Variants in PPP3CA observed in about 807,000 individuals in gnomAD.
PPP3CA encodes protein phosphatase 3 catalytic subunit alpha.
In PPP3CA, 14 loss-of-function variants were observed where a neutral mutation model predicts 66.5. The observed-to-expected ratio is 0.21, with a 90% CI of 0.14 to 0.33. PPP3CA has a LOEUF of 0.33. PPP3CA is among the 10% of genes least tolerant of loss of function. The pLI is 1.00. For missense variants in PPP3CA, 317 were observed against 639.5 expected (o/e 0.50, Z 5.44); for synonymous variants, 232 against 226.2 (o/e 1.03, Z -0.23).
At chr4:101,242,553 A>T (rs895945484) in intron 1 of PPP3CA, among the ~76,000 whole-genome samples, 3 of 151,962 alleles carry the variant, frequency 2.0e-5, no homozygotes, top group African/African-American at 7.2e-5. Context: ...AAAGAGTAAA[A>T]CTGAATTCTC....
In PPP3CA at chr4:101,025,961, C is replaced by T. The variant is rs878969404; in HGVS notation, c.1470G>A (p.Met490Ile). 1 of 1,613,486 alleles carries T rather than the reference C, an allele frequency of 6.2e-7. No individual in the cohort carries two copies. The highest frequency in any genetic ancestry group is 8.5e-7 in the Non-Finnish European group (1 of 1,179,812). ...TGGAGTTAAGGTTGGCGTCAGAGGG[C>T]ATGGCATCTCTGCGAGGCGGCATCC... ...NERMPPRRDA[M>I]PSDANLNSIN... Residue 490 changes from methionine to isoleucine, a missense_variant, in exon 14 of 14, where the codon ATG (methionine) becomes ATA (isoleucine). This residue lies in a region of PPP3CA where 201 missense variants were observed against 501.4 expected (regional missense o/e 0.40). Transcript: ENST00000394854.
rs565062981 is a variant in PPP3CA at position 101,316,800 on chromosome 4, A to G, written c.58+29939T>C. On this transcript the variant is annotated intron_variant, in intron 1 of 13. Transcript: ENST00000394854. ...TAAAACACTATCAGATAATTGGTAC[A>G]TCTGTAAGTTGAATGTAGTAAGAGG... Among the ~76,000 whole-genome samples, 49 of 152,336 alleles carry G rather than the reference A, an allele frequency of 3.2e-4. 1 individual carries two copies. The South Asian group carries it at 9.3e-3, about 29-fold the overall frequency.
intron 2 of PPP3CA, among the ~76,000 whole-genome samples, chr4:101,168,646 G>T (rs561089157): frequency 5.9e-4 from 90 of 152,260 alleles, no homozygotes; most frequent in Non-Finnish European, 1.1e-3. Flanking sequence ...AGGGAAGAAA[G>T]TATTGAAAGA....
At chr4:101,318,658 T>C (rs1309639402) in intron 1 of PPP3CA, among the ~76,000 whole-genome samples, 8 of 152,108 alleles carry the variant, frequency 5.3e-5, no homozygotes, top group Non-Finnish European at 1.2e-4. Context: ...AAAAATATAA[T>C]CAATGGCTTC....
intron 2 of PPP3CA, among the ~76,000 whole-genome samples, chr4:101,119,401 C>T (rs1721950972): frequency 6.6e-6 from 1 of 151,902 alleles, no homozygotes; most frequent in Admixed American, 6.6e-5. Flanking sequence ...TTTACAAGAC[C>T]ACTGTGTTCC....
At chr4:101,330,914 T>C (rs1018556523) in intron 1 of PPP3CA, among the ~76,000 whole-genome samples, 1 of 152,078 alleles carries the variant, frequency 6.6e-6, no homozygotes, top group African/African-American at 2.4e-5. Context: ...ATAAGGTCAA[T>C]AATGCCAAGA....
At chr4:101,148,488 C>T (rs1374830151) in intron 2 of PPP3CA, among the ~76,000 whole-genome samples, 1 of 152,056 alleles carries the variant, frequency 6.6e-6, no homozygotes, top group African/African-American at 2.4e-5. Flanking sequence ...AGAAACATTA[C>T]CATAATTTAT....
At chr4:101,123,593 G>A (rs1178371769) in intron 2 of PPP3CA, among the ~76,000 whole-genome samples, 1 of 152,202 alleles carries the variant, frequency 6.6e-6, no homozygotes, top group African/African-American at 2.4e-5. Flanking sequence ...CATTTTGGGA[G>A]GTGGAGGTGG....
chr4:101,084,104 T>C (rs1729557034), intron 6 of PPP3CA, among the ~76,000 whole-genome samples: 1 of 152,202 alleles, frequency 6.6e-6, no homozygotes, highest in Admixed American at 6.5e-5. Context: ...AAATGTGTAT[T>C]ATAAAAATAA....
chr4:101,147,063 A>G (rs1301516652), intron 2 of PPP3CA, among the ~76,000 whole-genome samples: 5 of 152,214 alleles, frequency 3.3e-5, no homozygotes, highest in Non-Finnish European at 7.3e-5. Context: ...AGAGAAAAGC[A>G]GATAAAGGTT....
At chr4:101,146,787 T>C (rs1722984586) in intron 2 of PPP3CA, among the ~76,000 whole-genome samples, 1 of 152,180 alleles carries the variant, frequency 6.6e-6, no homozygotes, top group African/African-American at 2.4e-5. Flanking sequence ...GGCACTGTTC[T>C]TGACATACAG....
In PPP3CA at chr4:101,063,535, T is replaced by A. The variant is rs538184402; in HGVS notation, c.956-178A>T. 3.7e-4 allele frequency among the ~76,000 whole-genome samples: 56 copies of A among 152,054 alleles called. 1 individual carries two copies. The South Asian group carries it at 0.011, about 31-fold the overall frequency. Reference sequence around the variant, plus strand: ...TGGACTTAAACCTTACTCAGGGTAATATATAACTGCACAATATATGAATAA... The same window carrying A: ...TGGACTTAAACCTTACTCAGGGTAAAATATAACTGCACAATATATGAATAA... On this transcript the variant is annotated intron_variant, in intron 8 of 13. Coordinates refer to ENST00000394854, the MANE Select transcript of PPP3CA (RefSeq NM_000944.5).
At chr4:101,150,340 T>C (rs1436606137) in intron 2 of PPP3CA, among the ~76,000 whole-genome samples, 1 of 152,234 alleles carries the variant, frequency 6.6e-6, no homozygotes, top group African/African-American at 2.4e-5. Flanking sequence ...CTTTGAAATT[T>C]TGAGAATTCT....
At chr4:101,187,457 G>A (rs1724448641) in intron 2 of PPP3CA, among the ~76,000 whole-genome samples, 1 of 151,932 alleles carries the variant, frequency 6.6e-6, no homozygotes, top group Admixed American at 6.6e-5. Flanking sequence ...AGTCTCAAGT[G>A]GAATGGATAT....
At chr4:101,046,947 C>A (rs2110214982) in intron 10 of PPP3CA, among the ~76,000 whole-genome samples, 1 of 152,220 alleles carries the variant, frequency 6.6e-6, no homozygotes, top group Admixed American at 6.5e-5. Context: ...ACTTCAGATA[C>A]CTCTAAGAAA....
intron 2 of PPP3CA, among the ~76,000 whole-genome samples, chr4:101,148,779 T>C (rs769092484): frequency 3.4e-4 from 52 of 152,220 alleles, no homozygotes; most frequent in Admixed American, 9.2e-4. Context: ...TAGTGAAAGA[T>C]AAGAGTCAAA....
chr4:101,297,629 A>G (rs1281369054), intron 1 of PPP3CA, among the ~76,000 whole-genome samples: 1 of 152,120 alleles, frequency 6.6e-6, no homozygotes, highest in East Asian at 1.9e-4. Flanking sequence ...CCAGACACAT[A>G]TAGCCAGCTG....
At chr4:101,190,151 G>A (rs1724552234) in intron 2 of PPP3CA, among the ~76,000 whole-genome samples, 1 of 151,908 alleles carries the variant, frequency 6.6e-6, no homozygotes, top group South Asian at 2.1e-4. Flanking sequence ...TCCTTATCTG[G>A]AGGCATTTCA....
intron 1 of PPP3CA, among the ~76,000 whole-genome samples, chr4:101,219,272 C>G (rs1725551090): frequency 6.6e-6 from 1 of 151,926 alleles, no homozygotes; most frequent in Admixed American, 6.6e-5. Context: ...GCATGCTTCA[C>G]AATTTAATAA....
Sources: gnomAD v4.1 joint callset for allele counts (sites outside exome capture counted in the v4.1 genomes callset) on GRCh38, gnomAD v4.1.1 for gene constraint, gnomAD v4.1.1 regional missense constraint, MANE v1.5 for transcripts, NCBI Gene and HGNC (gene_info 2026-07-23, HGNC 2026-07-21) for gene names.